Variants in ATP13A4 observed in about 807,000 individuals in gnomAD.
ATP13A4 encodes probable cation-transporting ATPase 13A4.
ATP13A4 carries 114 observed loss-of-function variants against 142.5 expected under a neutral mutation model. That is an observed-to-expected ratio of 0.80 (90% CI 0.69 to 0.93). The LOEUF (loss-of-function observed/expected upper bound fraction) is 0.93. ATP13A4 is among the 40% of genes least tolerant of loss of function. The pLI is 0.00. For synonymous variants in ATP13A4, 488 were observed against 514.8 expected (o/e 0.95, Z 0.70); for missense variants, 1,392 against 1,454.0 (o/e 0.96, Z 0.69).
chr3:193,453,996 C>A, intron 17 of ATP13A4, 105 bp downstream of exon 17: 2 of 940,310 alleles, frequency 2.1e-6, no homozygotes, highest in Non-Finnish European at 1.7e-6. Context: ...GCTCTGTCCA[C>A]CACCCAGAAC....
At chr3:193,448,717 G>C (rs576776480) in intron 17 of ATP13A4, among the ~76,000 whole-genome samples, 23 of 152,378 alleles carry the variant, frequency 1.5e-4, no homozygotes, top group African/African-American at 4.1e-4. Flanking sequence ...TTCAAGCACT[G>C]TTAGGGGCTG....
chr3:193,503,039 G>T (rs1011258591), intron 2 of ATP13A4, among the ~76,000 whole-genome samples: 157 of 148,966 alleles, frequency 1.1e-3, no homozygotes, highest in African/African-American at 3.8e-3. Flanking sequence ...GGGCGGGGCA[G>T]GGGGGGGAAC....
intron 25 of ATP13A4, among the ~76,000 whole-genome samples, chr3:193,426,589 C>A (rs1348172659): frequency 6.6e-6 from 1 of 151,852 alleles, no homozygotes; most frequent in African/African-American, 2.4e-5. Context: ...TTGAAGGACT[C>A]ACACTTCCCA....
At chr3:193,454,322 A>G in intron 16 of ATP13A4, 110 bp from the exon 17 acceptor site, 2 of 776,878 alleles carry the variant, frequency 2.6e-6, no homozygotes, top group South Asian at 1.5e-5. Context: ...CACTTCTACA[A>G]AGATATGTAA....
rs1226552757 is a variant in ATP13A4 at position 193,412,222 on chromosome 3, A to G, written c.3164T>C (p.Val1055Ala). The change falls in exon 27 of 30, where the codon GTG (valine) becomes GCG (alanine). Residue 1055 changes from valine (V) to alanine (A), a missense_variant. By Grantham distance (64) the Val-to-Ala change is moderately conservative. Transcript: ENST00000342695. ...TCTAAATGGTTTTCCTTTAGAGAACACAAGAGCCACAGTGATACAGTTGAT... is the reference window on the plus strand; with the variant it reads ...TCTAAATGGTTTTCCTTTAGAGAACGCAAGAGCCACAGTGATACAGTTGAT... ...GTINCITVALVFSKGKPFRQP... is the reference protein window; with the variant it reads ...GTINCITVALAFSKGKPFRQP... 6.2e-7 allele frequency: 1 copy of G among 1,613,424 alleles called. No individual in the cohort carries two copies. Among genetic ancestry groups the G allele is most frequent in the South Asian group, 1.1e-5 (1 of 91,068 alleles).
chr3:193,437,766 G>A lies in ATP13A4; in HGVS notation c.2672+709C>T, dbSNP rs1048200187. ...TATAATGGAGCAGAAGTACATTTTC[G>A]GCAGGGTGGTGGGGGACATCAAAGC... On this transcript the variant is annotated intron_variant, in intron 23 of 29. Transcript: ENST00000342695. 3.3e-5 allele frequency among the ~76,000 whole-genome samples: 5 copies of A among 151,562 alleles called. No individual in the cohort carries two copies. The South Asian group carries it at 6.3e-4, about 19-fold the overall frequency.
In ATP13A4 at chr3:193,436,173, ACAGGAGCTT is replaced by A. The variant is rs1203434054; in HGVS notation, c.2673-438_2673-430del. 3.3e-5 allele frequency among the ~76,000 whole-genome samples: 5 copies of A among 152,334 alleles called. No individual in the cohort carries two copies. In the East Asian group the frequency reaches 9.6e-4, roughly 29 times the overall value. ...TTCCAGATTCAGGGGTTATTTTCAT[ACAGGAGCTT>A]CAGGAGCTTGGCAAGCATTTGATTC... On this transcript the variant is annotated intron_variant, in intron 23 of 29. Coordinates refer to ENST00000342695, the MANE Select transcript of ATP13A4 (RefSeq NM_032279.4).
intron 1 of ATP13A4, among the ~76,000 whole-genome samples, chr3:193,539,940 A>AT (rs199714177): frequency 6.6e-6 from 1 of 152,084 alleles, no homozygotes; most frequent in Non-Finnish European, 1.5e-5. Context: ...CTCAAAATTA[A>AT]TTTTTTTCCT....
chr3:193,557,076 G>A (rs569456695), upstream of ATP13A4, among the ~76,000 whole-genome samples: 3 of 152,340 alleles, frequency 2.0e-5, no homozygotes, highest in East Asian at 5.8e-4. Context: ...GGATTGAGAT[G>A]AGTGTGTAAC....
chr3:193,499,718 A>G (rs1720433600), intron 3 of ATP13A4, among the ~76,000 whole-genome samples: 1 of 152,222 alleles, frequency 6.6e-6, no homozygotes, highest in South Asian at 2.1e-4. Context: ...AAATGCAAAA[A>G]TCTGTGTTAG....
intron 25 of ATP13A4, among the ~76,000 whole-genome samples, chr3:193,421,502 A>G (rs910061281): frequency 1.3e-5 from 2 of 150,026 alleles, no homozygotes; most frequent in African/African-American, 4.9e-5. Context: ...ATATATGGTG[A>G]AATCCAGAAT....
intron 13 of ATP13A4, among the ~76,000 whole-genome samples, chr3:193,461,150 T>C (rs759067494): frequency 6.6e-6 from 1 of 152,222 alleles, no homozygotes; most frequent in Non-Finnish European, 1.5e-5. Flanking sequence ...CTAAACATTA[T>C]ATTAATTGTT....
intron 1 of ATP13A4, among the ~76,000 whole-genome samples, chr3:193,534,938 G>A (rs1221159524): frequency 2.0e-5 from 3 of 149,958 alleles, no homozygotes; most frequent in Admixed American, 2.0e-4. Context: ...AGTCAAATCT[G>A]TAAAAAATAA....
chr3:193,573,423 G>A (rs1232756372), intron 2 of ATP13A4, among the ~76,000 whole-genome samples: 3 of 150,166 alleles, frequency 2.0e-5, no homozygotes, highest in African/African-American at 7.4e-5. Context: ...ACCATCTGGT[G>A]ACAAATGACT....
At position 193,441,600 on chromosome 3, in the gene ATP13A4, G is replaced by A. The variant is rs1448525390; in HGVS notation, c.2317-12C>T. On this transcript the variant is annotated splice_polypyrimidine_tract_variant and intron_variant, in intron 19 of 29. Transcript: ENST00000342695. ...TTAATGTAATTGTCCTACAAAGCAA[G>A]ACACAGTTATTTTAGACTCTTTCAT... 2 of 1,612,434 alleles carry A rather than the reference G, an allele frequency of 1.2e-6. No homozygotes were observed. The highest frequency in any genetic ancestry group is 1.7e-6 in the Non-Finnish European group (2 of 1,178,986).
intron 25 of ATP13A4, among the ~76,000 whole-genome samples, chr3:193,424,345 G>A (rs1715549385): frequency 6.7e-6 from 1 of 148,756 alleles, no homozygotes; most frequent in Admixed American, 7.0e-5. Context: ...AAAATGTATA[G>A]GGACCACAAA....
chr3:193,592,797 CAA>C (rs943580965), intron 1 of ATP13A4, among the ~76,000 whole-genome samples: 2 of 152,178 alleles, frequency 1.3e-5, no homozygotes, highest in Admixed American at 1.3e-4. Flanking sequence ...TGCTTTCAAA[CAA>C]AGATGCCCAA....
rs539735336 is a variant in ATP13A4 at position 193,582,716 on chromosome 3, A to G, written n.92-810T>C. Among the ~76,000 whole-genome samples the G allele has an allele frequency of 6.8e-3, 321 of 47,060 alleles. 86 individuals carry two copies. Among genetic ancestry groups the G allele is most frequent in the Admixed American group, 0.019 (59 of 3,136 alleles). 30.9% of individuals were successfully genotyped at this position (47,060 alleles called of 152,430 possible). Reference sequence around the variant, plus strand: ...TGTATAACATATATAATATATATGTATATTACATATATAAAATATATATGT... The same window carrying G: ...TGTATAACATATATAATATATATGTGTATTACATATATAAAATATATATGT... On this transcript the variant is annotated intron_variant and non_coding_transcript_variant, in intron 1 of 3. Transcript: ENST00000489140.
intron 2 of ATP13A4, among the ~76,000 whole-genome samples, chr3:193,503,614 C>T (rs1720681793): frequency 6.6e-6 from 1 of 152,156 alleles, no homozygotes; most frequent in Admixed American, 6.5e-5. Context: ...GAAGAGTGCC[C>T]TAGCTGACTC....
Sources: allele counts gnomAD v4.1 joint callset (sites outside exome capture counted in the v4.1 genomes callset), GRCh38; gene constraint gnomAD v4.1.1; transcripts MANE v1.5; gene names NCBI Gene and HGNC (gene_info 2026-07-23, HGNC 2026-07-21).